Variants in ANKRD28 observed in about 807,000 individuals in gnomAD.
The protein encoded by ANKRD28 is ankyrin repeat domain 28, also known as serine/threonine-protein phosphatase 6 regulatory ankyrin repeat subunit A.
A neutral mutation model predicts 126.5 loss-of-function variants in ANKRD28; 44 were observed. That is an observed-to-expected ratio of 0.35 (90% confidence interval 0.27 to 0.45). ANKRD28 has a LOEUF of 0.45. ANKRD28 is among the 20% of genes least tolerant of loss of function. The pLI, the probability that ANKRD28 is intolerant of heterozygous loss-of-function variation, is 1.00. For missense variants in ANKRD28, 1,110 were observed against 1,316.6 expected (o/e 0.84, Z 2.43); for synonymous variants, 442 against 468.5 (o/e 0.94, Z 0.73).
At chr3:15,784,349 G>A (rs969560003) in intron 2 of ANKRD28, among the ~76,000 whole-genome samples, 3 of 151,958 alleles carry the variant, frequency 2.0e-5, no homozygotes, top group African/African-American at 7.2e-5. Context: ...GTAAGTGTAA[G>A]GAATGACAGC....
intron 1 of ANKRD28, among the ~76,000 whole-genome samples, chr3:15,834,064 T>G (rs1313763163): frequency 6.6e-6 from 1 of 152,208 alleles, no homozygotes; most frequent in African/African-American, 2.4e-5. Context: ...TTTCTTTTAC[T>G]GTGTGAAAGC....
chr3:15,798,252 T>TA (rs1185554032), upstream of ANKRD28: 4 of 781,496 alleles, frequency 5.1e-6, no homozygotes, highest in South Asian at 2.3e-4. Flanking sequence ...AGCAAATGTT[T>TA]AACCCTATAA....
At chr3:15,745,908 T>C (rs1173938564) in intron 4 of ANKRD28, among the ~76,000 whole-genome samples, 2 of 152,194 alleles carry the variant, frequency 1.3e-5, no homozygotes, top group Non-Finnish European at 2.9e-5. Flanking sequence ...GTTTTCCTTG[T>C]AGGGGTCTTT....
chr3:15,714,520 T>C (rs1420935206), intron 9 of ANKRD28, 58 bp downstream of exon 9: 3 of 1,257,326 alleles, frequency 2.4e-6, no homozygotes, highest in African/African-American at 1.6e-5. Flanking sequence ...TGGATGTTTT[T>C]ACTACATTTA....
At chr3:15,856,400 T>A (rs1039560342) in intron 1 of ANKRD28, among the ~76,000 whole-genome samples, 6 of 152,200 alleles carry the variant, frequency 3.9e-5, no homozygotes, top group Admixed American at 6.5e-5. Flanking sequence ...CTACCCTTCT[T>A]ACTAGGGTGT....
chr3:15,798,037 C>T, upstream of ANKRD28: 1 of 985,404 alleles, frequency 1.0e-6, no homozygotes, highest in Non-Finnish European at 1.2e-6. Context: ...TGCATTTGGA[C>T]AGCCTTCACA....
At position 15,832,162 on chromosome 3, in the gene ANKRD28, A is replaced by G. The variant is rs75394840; in HGVS notation, c.27+27215T>C. ...TGAGACATTTCATAAACATATAGACAAATAAGATCACTTCAGATAGTGCTA... is the reference window on the plus strand; with the variant it reads ...TGAGACATTTCATAAACATATAGACGAATAAGATCACTTCAGATAGTGCTA... On this transcript the variant is annotated intron_variant, in intron 1 of 27. Coordinates refer to the ANKRD28 transcript ENST00000399451. 4.1e-3 allele frequency among the ~76,000 whole-genome samples: 620 copies of G among 152,352 alleles called. 12 individuals are homozygous for G. The highest frequency in any genetic ancestry group is 0.027 in the Admixed American group (420 of 15,300).
chr3:15,788,007 C>A (rs1333983293), intron 2 of ANKRD28, among the ~76,000 whole-genome samples: 1 of 152,166 alleles, frequency 6.6e-6, no homozygotes, highest in South Asian at 2.1e-4. Context: ...CATCTAAGAT[C>A]TACCGCTTAG....
At chr3:15,676,828 A>T in intron 26 of ANKRD28, 146 bp downstream of exon 26, 1 of 561,460 alleles carries the variant, frequency 1.8e-6, no homozygotes, top group Non-Finnish European at 3.0e-6. Flanking sequence ...ATCATTTTAG[A>T]AATGAGTTTT....
intron 1 of ANKRD28, among the ~76,000 whole-genome samples, chr3:15,803,442 C>A (rs1224215066): frequency 6.6e-6 from 1 of 151,808 alleles, no homozygotes; most frequent in Non-Finnish European, 1.5e-5. Context: ...CATGGTGAAA[C>A]CCCGTCTCTA....
At chr3:15,803,324 A>C (rs942290851) in intron 1 of ANKRD28, among the ~76,000 whole-genome samples, 7 of 152,162 alleles carry the variant, frequency 4.6e-5, no homozygotes, top group African/African-American at 1.7e-4. Flanking sequence ...GAGAGACAGA[A>C]ATATATTTTA....
At chr3:15,811,020 G>A (rs145764884) in intron 1 of ANKRD28, among the ~76,000 whole-genome samples, 3 of 152,246 alleles carry the variant, frequency 2.0e-5, no homozygotes, top group African/African-American at 7.2e-5. Context: ...CTATAAAATA[G>A]CAAATGAAGA....
chr3:15,709,460 T>C (rs890242005), intron 13 of ANKRD28, among the ~76,000 whole-genome samples: 3 of 152,148 alleles, frequency 2.0e-5, no homozygotes, highest in Non-Finnish European at 4.4e-5. Flanking sequence ...CTGTGGTTGG[T>C]AGGCTAGGGC....
intron 2 of ANKRD28, among the ~76,000 whole-genome samples, chr3:15,782,847 CT>C (rs1257812511): frequency 1.3e-5 from 2 of 152,096 alleles, no homozygotes; most frequent in Non-Finnish European, 2.9e-5. Context: ...TCTCTTCATT[CT>C]CTTAGAACAC....
chr3:15,692,144 T>TAAAA (rs908039642), intron 17 of ANKRD28, among the ~76,000 whole-genome samples: 60 of 98,734 alleles, frequency 6.1e-4, no homozygotes, highest in East Asian at 8.4e-4. Context: ...TATCTCTAAA[T>TAAAA]AAAAAAAAAA....
Position 15,796,561 on chromosome 3 carries a change from A to G in ANKRD28, c.-40T>C. The G allele has an allele frequency of 7.9e-7, 1 of 1,259,070 alleles. No homozygotes were observed. The highest frequency in any genetic ancestry group is 5.7e-5 in the East Asian group (1 of 17,394). The allele number at this position is 1,259,070 out of a possible 1,614,324, so 78.0% of individuals were successfully genotyped here. A position where few individuals can be genotyped will look rare whatever the true frequency, so the allele number is the denominator to read the frequency against. ...CACTAAATTCCAAGCTATGTGATAA[A>G]AGTCACAGTTGGAAGAGCACAAGTA... On this transcript the variant is annotated 5_prime_UTR_variant, in exon 1 of 28. Transcript: ENST00000683139.
At chr3:15,754,952 A>G (rs2125411689) in intron 3 of ANKRD28, among the ~76,000 whole-genome samples, 1 of 152,192 alleles carries the variant, frequency 6.6e-6, no homozygotes, top group East Asian at 1.9e-4. Context: ...CCCAGGCCCT[A>G]CTAAAATTAC....
chr3:15,766,384 C>A, intron 2 of ANKRD28, 72 bp from the exon 3 acceptor site: 1 of 1,052,900 alleles, frequency 9.5e-7, no homozygotes, highest in Non-Finnish European at 1.4e-6. Context: ...TTAATAACCA[C>A]AACAACAACC....
intron 1 of ANKRD28, among the ~76,000 whole-genome samples, chr3:15,857,374 T>C (rs2126010848): frequency 6.6e-6 from 1 of 152,322 alleles, no homozygotes; most frequent in Middle Eastern, 3.4e-3. Context: ...AACCTCTGTC[T>C]CCCGGGTTCA....
Sources: allele counts gnomAD v4.1 joint callset (sites outside exome capture counted in the v4.1 genomes callset), GRCh38; gene constraint gnomAD v4.1.1; transcripts MANE v1.5; gene names NCBI Gene and HGNC (gene_info 2026-07-23, HGNC 2026-07-21).